The following ALPK3 variants were observed in gnomAD, a reference collection of about 807,000 sequenced individuals.
ALPK3 encodes the protein alpha kinase 3, also known as alpha-protein kinase 3.
In ALPK3, 102 loss-of-function variants were observed where a neutral mutation model predicts 140.0. The observed-to-expected ratio is 0.73, with a 90% CI of 0.62 to 0.86. ALPK3 has a LOEUF of 0.86. Ranked by LOEUF, ALPK3 falls within the 40% of genes least tolerant of loss-of-function variation. The probability of loss-of-function intolerance (pLI) is 0.00; values close to 1 mark genes in which losing one functional copy is unlikely to be tolerated. For synonymous variants in ALPK3, 938 were observed against 898.5 expected, an observed-to-expected ratio of 1.04 and a Z score of -0.79; for missense variants, 2,254 against 2,208.2, an observed-to-expected ratio of 1.02 and a Z score of -0.42.
Position 84,840,615 on chromosome 15 carries a change from C to A in ALPK3, c.1336C>A (p.Pro446Thr), listed in dbSNP as rs199986476. ...GAGTGTCCGGGCGCCTGGGGAGAGT[C>A]CCAAGGGGAAGGCACCCCTCAGGGC... ...TLSVRAPGES[P>T]KGKAPLRARS... The change falls in exon 5 of 14, where the codon CCC (proline) becomes ACC (threonine). Residue 446 changes from proline to threonine, a missense_variant. By Grantham distance (38) the Pro-to-Thr change is conservative (BLOSUM62 -1). Around this residue, in one of 3 missense-constraint regions of ALPK3, gnomAD observed 2,088 missense variants for 2,022.9 expected, o/e 1.03. Transcript: ENST00000258888. 1,611 of 1,558,948 alleles carry A rather than the reference C, an allele frequency of 1.0e-3. 18 individuals are homozygous for A. Among genetic ancestry groups the A allele is most frequent in the Non-Finnish European group, 1.4e-4 (163 of 1,155,728 alleles).
rs1320511840 is a variant in ALPK3 at position 84,868,686 on chromosome 15, G to C, written c.*230G>C. On this transcript the variant is annotated 3_prime_UTR_variant, in exon 14 of 14. Transcript: ENST00000258888. ...GGTGCCACTGTCACCCAGGGCTCCCGGGCCTCAAGCAGTCCCCACCTCCAA... is the reference window on the plus strand; with the variant it reads ...GGTGCCACTGTCACCCAGGGCTCCCCGGCCTCAAGCAGTCCCCACCTCCAA... 1.7e-6 allele frequency: 1 copy of C among 574,788 alleles called. No individual in the cohort carries two copies. The highest frequency in any genetic ancestry group is 3.1e-6 in the Non-Finnish European group (1 of 325,602). The allele number at this position is 574,788 out of a possible 1,614,324, so 35.6% of individuals were successfully genotyped here. A position where few individuals can be genotyped will look rare whatever the true frequency, so the allele number is the denominator to read the frequency against.
At chr15:84,827,757 A>T in intron 3 of ALPK3, 152 bp downstream of exon 3, 1 of 1,193,920 alleles carries the variant, frequency 8.4e-7, no homozygotes, top group South Asian at 1.5e-5. Context: ...CTAGTTTAAC[A>T]TCCCTGTGTG....
At chr15:84,859,925 G>C in intron 8 of ALPK3, 22 bp downstream of exon 8, 1 of 1,613,908 alleles carries the variant, frequency 6.2e-7, no homozygotes, top group Non-Finnish European at 8.5e-7. Flanking sequence ...CCGCGGCCCG[G>C]GGTCTCAGCC....
intron 12 of ALPK3, among the ~76,000 whole-genome samples, 175 bp downstream of exon 12, chr15:84,864,840 C>G (rs926581306): frequency 6.6e-6 from 1 of 152,170 alleles, no homozygotes; most frequent in African/African-American, 2.4e-5. Context: ...TGCTCGCAAC[C>G]CTAATACATA....
At position 84,870,907 on chromosome 15, in the gene ALPK3, C is replaced by T. The variant is rs1964063283; in HGVS notation, c.*2451C>T. On this transcript the variant is annotated 3_prime_UTR_variant, in exon 14 of 14. Transcript: ENST00000258888. ...CTCCCATCTCACGTATGACGACTCT[C>T]CCACAGGTAACCAAAACCACATTTC... The T allele has an allele frequency of 6.6e-6, 1 of 152,240 alleles. No individual in the cohort carries two copies. The highest frequency in any genetic ancestry group is 2.4e-5 in the African/African-American group (1 of 41,452). 9.4% of individuals were successfully genotyped at this position (152,240 alleles called of 1,614,324 possible).
Position 84,859,766 on chromosome 15 carries a change from C to T in ALPK3, c.3966-10C>T. On this transcript the variant is annotated splice_polypyrimidine_tract_variant and intron_variant, in intron 7 of 13. Coordinates refer to ENST00000258888, the MANE Select transcript of ALPK3 (RefSeq NM_020778.5). ...CCATGGCCCTCACGAGTAGGGTCTCCACTCTGCAGCGCAGGGGATGAGGGG... is the reference window on the plus strand; with the variant it reads ...CCATGGCCCTCACGAGTAGGGTCTCTACTCTGCAGCGCAGGGGATGAGGGG... 5 of 1,609,306 alleles carry T rather than the reference C, an allele frequency of 3.1e-6. No individual in the cohort carries two copies. Among genetic ancestry groups the T allele is most frequent in the Admixed American group, 3.3e-5 (2 of 59,814 alleles).
chr15:84,857,844 A>G lies in ALPK3; in HGVS notation c.3106A>G (p.Thr1036Ala). 3 of 1,611,318 alleles carry G rather than the reference A, an allele frequency of 1.9e-6. No homozygotes were observed. Among genetic ancestry groups the G allele is most frequent in the Non-Finnish European group, 2.5e-6 (3 of 1,178,732 alleles). The part of the protein sequence containing the change: ...SAQTLLLSPC[T>A]SRRLTGLLDR... ...ACAGACCCTGCTGCTGAGCCCCTGT[A>G]CCTCCCGCCGCCTCACCGGCCTCCT... The change falls in exon 6 of 14, where the codon ACC becomes GCC. Residue 1036 changes from threonine (T) to alanine (A), a missense_variant. By Grantham distance (58) the Thr-to-Ala change is moderately conservative. Around this residue, in one of 3 missense-constraint regions of ALPK3, gnomAD observed 2,088 missense variants for 2,022.9 expected, o/e 1.03. Coordinates refer to ENST00000258888, the MANE Select transcript of ALPK3 (RefSeq NM_020778.5).
intron 5 of ALPK3, chr15:84,852,363 G>A (rs1188968824): frequency 2.0e-5 from 3 of 153,680 alleles, no homozygotes; most frequent in Non-Finnish European, 4.3e-5. Context: ...CATCCCAGGT[G>A]GGGTGGCATG....
chr15:84,817,691 C>T (rs1963377158), intron 1 of ALPK3, 96 bp downstream of exon 1: 1 of 1,325,456 alleles, frequency 7.5e-7, no homozygotes, highest in Non-Finnish European at 9.7e-7. Context: ...CTGGGCTGGG[C>T]CTGCGCCCTC....
At chr15:84,862,031 GC>G (rs149489561) in intron 9 of ALPK3, among the ~76,000 whole-genome samples, 3,071 of 152,230 alleles carry the variant, frequency 0.02, 104 homozygotes, top group African/African-American at 0.068. Context: ...TAGCTCTCTT[GC>G]TTTCTGGATT....
At chr15:84,844,044 G>A (rs1269152843) in intron 5 of ALPK3, among the ~76,000 whole-genome samples, 1 of 152,060 alleles carries the variant, frequency 6.6e-6, no homozygotes, top group Non-Finnish European at 1.5e-5. Context: ...GCGTGGCCAA[G>A]ATGGTGAAAC....
intron 5 of ALPK3, among the ~76,000 whole-genome samples, chr15:84,851,547 G>T (rs1419202271): frequency 6.6e-6 from 1 of 152,116 alleles, no homozygotes; most frequent in Non-Finnish European, 1.5e-5. Flanking sequence ...CACTGCTCAG[G>T]TCCTCTCCCT....
intron 5 of ALPK3, among the ~76,000 whole-genome samples, chr15:84,848,967 A>G (rs1159561609): frequency 6.6e-6 from 1 of 151,698 alleles, no homozygotes; most frequent in Non-Finnish European, 1.5e-5. Context: ...CATGGAGAAA[A>G]CCCATCTCTA....
intron 9 of ALPK3, among the ~76,000 whole-genome samples, chr15:84,861,565 GTTT>G (rs935573329): frequency 3.3e-5 from 5 of 152,124 alleles, no homozygotes; most frequent in Non-Finnish European, 7.4e-5. Flanking sequence ...TTATCTAGGG[GTTT>G]TGGCAGTCAC....
chr15:84,828,831 G>C (rs189726838), intron 3 of ALPK3, among the ~76,000 whole-genome samples: 1 of 152,156 alleles, frequency 6.6e-6, no homozygotes, highest in Non-Finnish European at 1.5e-5. Context: ...GCCAAAGTCC[G>C]CAGCACTAGT....
At position 84,869,489 on chromosome 15, in the gene ALPK3, T is replaced by C. The variant is rs556126589; in HGVS notation, c.*1033T>C. On this transcript the variant is annotated 3_prime_UTR_variant, in exon 14 of 14. Coordinates refer to ENST00000258888, the MANE Select transcript of ALPK3 (RefSeq NM_020778.5). ...GGCTAGGTCCCTTCCCCATGGGGAG[T>C]ACACTTGGGTGTTCTAGGAGGGATG... 1.3e-5 allele frequency: 2 copies of C among 152,052 alleles called. No individual in the cohort carries two copies. The highest frequency in any genetic ancestry group is 2.9e-5 in the Non-Finnish European group (2 of 68,014). 9.4% of individuals were successfully genotyped at this position (152,052 alleles called of 1,614,324 possible).
intron 5 of ALPK3, among the ~76,000 whole-genome samples, chr15:84,843,833 G>A (rs909265115): frequency 5.3e-5 from 8 of 151,644 alleles, no homozygotes; most frequent in South Asian, 2.1e-4. Context: ...AGTGGCTCAC[G>A]CTTGTAATCG....
chr15:84,868,436 A>G lies in ALPK3; in HGVS notation c.5098A>G (p.Lys1700Glu). ...GCCTCCCACCCAAGAGGAGGGCTCC[A>G]AGGCCCAGGGCATGCGGTAGCCTCC... Reference protein sequence around the residue: ...GQPPTQEEGSKAQGMR With the variant: ...GQPPTQEEGSEAQGMR The change falls in exon 14 of 14, where the codon AAG becomes GAG. Residue 1700 changes from lysine (K) to glutamate (E), a missense_variant. Around this residue, in one of 3 missense-constraint regions of ALPK3, gnomAD observed 158 missense variants for 159.8 expected, o/e 0.99. Transcript: ENST00000258888. The G allele has an allele frequency of 6.2e-7, 1 of 1,609,760 alleles. No homozygotes were observed. The highest frequency in any genetic ancestry group is 1.1e-5 in the South Asian group (1 of 91,068).
chr15:84,873,245 G>A lies in ALPK3; in HGVS notation c.*4789G>A, dbSNP rs370529341. The A allele has an allele frequency of 6.6e-6, 1 of 152,190 alleles. No homozygotes were observed. Among genetic ancestry groups the A allele is most frequent in the African/African-American group, 2.4e-5 (1 of 41,448 alleles). The allele number at this position is 152,190 out of a possible 1,614,324, so 9.4% of individuals were successfully genotyped here. On this transcript the variant is annotated 3_prime_UTR_variant, in exon 14 of 14. Transcript: ENST00000258888. Reference sequence around the variant, plus strand: ...AGGGCAGTGAGGGGGTTGATGGGCTGGGTGCATGCCAGGGACCCAATCAAG... The same window carrying A: ...AGGGCAGTGAGGGGGTTGATGGGCTAGGTGCATGCCAGGGACCCAATCAAG...
Sources: gnomAD v4.1 joint callset for allele counts (sites outside exome capture counted in the v4.1 genomes callset) on GRCh38, gnomAD v4.1.1 for gene constraint, gnomAD v4.1.1 regional missense constraint, MANE v1.5 for transcripts, NCBI Gene and HGNC (gene_info 2026-07-23, HGNC 2026-07-21) for gene names.